The following ANXA6 variants were observed in gnomAD, a reference collection of about 807,000 sequenced individuals.
The protein encoded by ANXA6 is annexin A6.
Under a neutral mutation model 95.4 loss-of-function variants are expected in ANXA6, and 71 were observed. The observed-to-expected ratio is 0.74, with a 90% CI of 0.61 to 0.91. The LOEUF (loss-of-function observed/expected upper bound fraction) is 0.91. Among genes scored for constraint, ANXA6 ranks in the 40% least tolerant of loss-of-function variants. ANXA6 has a pLI of 0.00. For synonymous variants in ANXA6, 289 were observed against 315.9 expected, an observed-to-expected ratio of 0.91 and a Z score of 0.90; for missense variants, 830 against 876.4, an observed-to-expected ratio of 0.95 and a Z score of 0.67.
At position 151,117,923 on chromosome 5, in the gene ANXA6, G is replaced by C. The variant is rs183261397; in HGVS notation, c.1439-86C>G. On this transcript the variant is annotated intron_variant, in intron 18 of 25. Coordinates refer to ENST00000354546, the MANE Select transcript of ANXA6 (RefSeq NM_001155.5). ...GGAGGTCCAGGAAACTCAGGCTTGA[G>C]CCAGGGCAGTATTGGCAGGGGGAGG... is the stretch of plus-strand genomic sequence containing the variant. 444 of 1,145,452 alleles carry C rather than the reference G, an allele frequency of 3.9e-4. 1 individual carries two copies. The African/African-American group carries it at 5.9e-3, about 15-fold the overall frequency. The allele number at this position is 1,145,452 out of a possible 1,614,324, so 71.0% of individuals were successfully genotyped here. A position where few individuals can be genotyped will look rare whatever the true frequency, so the allele number is the denominator to read the frequency against.
intron 6 of ANXA6, 30 bp from the exon 7 acceptor site, chr5:151,136,365 A>G (rs1037106240): frequency 9.3e-6 from 15 of 1,605,646 alleles, no homozygotes; most frequent in Non-Finnish European, 1.3e-5. Flanking sequence ...CTCTAGTCTC[A>G]TCCCCAGAGA....
intron 4 of ANXA6, chr5:151,139,077 C>A: frequency 1.7e-6 from 1 of 590,868 alleles, no homozygotes; most frequent in Non-Finnish European, 3.0e-6. Context: ...CTGTGTATCT[C>A]TCTCACTATC....
At chr5:151,105,177 A>T in intron 24 of ANXA6, 68 bp downstream of exon 24, 1 of 1,418,378 alleles carries the variant, frequency 7.1e-7, no homozygotes, top group South Asian at 1.2e-5. Context: ...GATGGTGCAC[A>T]TCTGTGTGTT....
In ANXA6 at chr5:151,150,464, G is replaced by C. The variant is rs113178535; in HGVS notation, c.-25-2538C>G. On this transcript the variant is annotated intron_variant, in intron 1 of 25. Transcript: ENST00000354546. ...GTAAATGGTGATATTTACTGTGCTG[G>C]TGGGAAGTTGAGGACAGGGCCTCTG... is the stretch of plus-strand genomic sequence containing the variant. Among the ~76,000 whole-genome samples, 1,454 of 152,320 alleles carry C rather than the reference G, an allele frequency of 9.5e-3. 37 individuals are homozygous for C. The highest frequency in any genetic ancestry group is 0.033 in the African/African-American group (1,362 of 41,564).
intron 3 of ANXA6, 56 bp downstream of exon 3, chr5:151,140,097 G>T: frequency 6.5e-7 from 1 of 1,535,032 alleles, no homozygotes; most frequent in Non-Finnish European, 9.0e-7. Context: ...AAGGGCTCTG[G>T]GCTGTGTCTA....
intron 17 of ANXA6, among the ~76,000 whole-genome samples, 168 bp downstream of exon 17, chr5:151,121,979 A>C (rs747770982): frequency 2.0e-5 from 3 of 152,188 alleles, no homozygotes; most frequent in Non-Finnish European, 2.9e-5. Flanking sequence ...CTAGTCCTGT[A>C]GTTTTCAGTT....
chr5:151,126,580 A>C, intron 13 of ANXA6, 100 bp from the exon 14 acceptor site: 2 of 874,190 alleles, frequency 2.3e-6, no homozygotes, highest in Non-Finnish European at 3.7e-6. Context: ...ACCCCAACAC[A>C]TACACACACG....
intron 20 of ANXA6, 112 bp downstream of exon 20, chr5:151,117,015 C>A (rs758949065): frequency 2.1e-6 from 2 of 973,854 alleles, no homozygotes; most frequent in Admixed American, 3.0e-5. Flanking sequence ...ACCAACCACG[C>A]CCCTGCCAGG....
chr5:151,140,846 G>A (rs956698792), intron 2 of ANXA6, among the ~76,000 whole-genome samples: 12 of 152,204 alleles, frequency 7.9e-5, no homozygotes, highest in Admixed American at 7.8e-4. Context: ...GCCCAAAGAA[G>A]AGCCACTTGT....
At chr5:151,118,189 GCT>G (rs1032011854) in intron 18 of ANXA6, among the ~76,000 whole-genome samples, 1 of 151,892 alleles carries the variant, frequency 6.6e-6, no homozygotes, top group African/African-American at 2.4e-5. Flanking sequence ...CAAAAGCAGA[GCT>G]CTGACTATGT....
At chr5:151,132,928 A>C (rs1765558024) in intron 9 of ANXA6, among the ~76,000 whole-genome samples, 166 bp downstream of exon 9, 1 of 151,274 alleles carries the variant, frequency 6.6e-6, no homozygotes, top group Admixed American at 6.6e-5. Context: ...AAACGGCAAA[A>C]ACCGCAGTTA....
intron 18 of ANXA6, 124 bp downstream of exon 18, chr5:151,119,176 C>T (rs1332213280): frequency 2.6e-6 from 2 of 783,934 alleles, no homozygotes; most frequent in African/African-American, 3.4e-5. Flanking sequence ...AGAGGCTTAT[C>T]AAATCCTCAA....
At chr5:151,122,887 T>G (rs755426758) in intron 16 of ANXA6, 30 bp downstream of exon 16, 1 of 1,600,912 alleles carries the variant, frequency 6.2e-7, no homozygotes, top group Non-Finnish European at 8.6e-7. Context: ...GCATGCATGT[T>G]GCACAGAGAG....
intron 20 of ANXA6, among the ~76,000 whole-genome samples, chr5:151,112,915 A>G (rs1228776599): frequency 2.6e-5 from 4 of 152,222 alleles, no homozygotes. Context: ...TTTCACTTAC[A>G]TGAAGTCCCC....
chr5:151,126,557 CACA>C, intron 13 of ANXA6, 77 bp from the exon 14 acceptor site: 1 of 966,504 alleles, frequency 1.0e-6, no homozygotes, highest in East Asian at 2.6e-5. Context: ...CACACACACA[CACA>C]CACACACACA....
At chr5:151,136,180 AT>A in intron 7 of ANXA6, 75 bp downstream of exon 7, 23 of 1,429,870 alleles carry the variant, frequency 1.6e-5, no homozygotes, top group Non-Finnish European at 2.2e-5. Flanking sequence ...GACCCTGGAC[AT>A]TCAGATCTAC....
At chr5:151,102,155 T>A (rs1400956352) in intron 25 of ANXA6, among the ~76,000 whole-genome samples, 4 of 152,240 alleles carry the variant, frequency 2.6e-5, no homozygotes, top group Non-Finnish European at 5.9e-5. Flanking sequence ...GGTATGGATC[T>A]CCCTTCTGAG....
At position 151,122,448 on chromosome 5, in the gene ANXA6, G is replaced by A. The variant is rs556831288; in HGVS notation, c.1234-188C>T. ...AGGGTAGGGAAAAAACAACCAGGAG[G>A]AAGACCCACTCTCCTTGACACAGGA... On this transcript the variant is annotated intron_variant, in intron 16 of 25. Coordinates refer to ENST00000354546, the MANE Select transcript of ANXA6 (RefSeq NM_001155.5). 1.3e-3 allele frequency among the ~76,000 whole-genome samples: 205 copies of A among 152,218 alleles called. 1 individual carries two copies. Among genetic ancestry groups the A allele is most frequent in the African/African-American group, 4.8e-3 (200 of 41,538 alleles).
At chr5:151,124,761 T>TAA (rs1443378389) in intron 14 of ANXA6, among the ~76,000 whole-genome samples, 1 of 152,164 alleles carries the variant, frequency 6.6e-6, no homozygotes, top group East Asian at 1.9e-4. Context: ...CTCTGCCTCT[T>TAA]AAAGAGTCAT....
Sources: allele counts gnomAD v4.1 joint callset (sites outside exome capture counted in the v4.1 genomes callset), GRCh38; gene constraint gnomAD v4.1.1; transcripts MANE v1.5; gene names NCBI Gene and HGNC (gene_info 2026-07-23, HGNC 2026-07-21).